EEF2K: variants seen among roughly 807,000 people sequenced by gnomAD.
EEF2K encodes eukaryotic elongation factor 2 kinase, also known as alternative protein EEF2K.
In EEF2K, 70 loss-of-function variants were observed where a neutral mutation model predicts 93.8. That is an observed-to-expected ratio of 0.75 (90% CI 0.62 to 0.91). The LOEUF (loss-of-function observed/expected upper bound fraction) is 0.91, where lower values mean the gene tolerates loss of function less well. Ranked by LOEUF, EEF2K falls within the 40% of genes least tolerant of loss-of-function variation. The pLI, the probability that EEF2K is intolerant of heterozygous loss-of-function variation, is 0.00. For missense variants in EEF2K, 935 were observed against 972.9 expected, an observed-to-expected ratio of 0.96 and a Z score of 0.52; for synonymous variants, 376 against 380.8, an observed-to-expected ratio of 0.99 and a Z score of 0.15.
intron 2 of EEF2K, among the ~76,000 whole-genome samples, chr16:22,241,184 G>A (rs553703049): frequency 1.3e-5 from 2 of 152,144 alleles, no homozygotes; most frequent in South Asian, 2.1e-4. Flanking sequence ...GAGGACTTCC[G>A]CTTTCTAATT....
At chr16:22,220,442 G>A (rs1361485552) in intron 1 of EEF2K, among the ~76,000 whole-genome samples, 1 of 123,194 alleles carries the variant, frequency 8.1e-6, no homozygotes, top group Non-Finnish European at 1.7e-5. Flanking sequence ...ATCTGAGCGT[G>A]CTTTTTTTTT....
intron 4 of EEF2K, 135 bp from the exon 5 acceptor site, chr16:22,250,519 C>A: frequency 9.6e-7 from 1 of 1,040,738 alleles, no homozygotes; most frequent in South Asian, 1.5e-5. Context: ...AAGGGAGATC[C>A]CCAGGGATTT....
chr16:22,254,522 A>G (rs540998569), intron 6 of EEF2K, among the ~76,000 whole-genome samples: 1 of 152,172 alleles, frequency 6.6e-6, no homozygotes, highest in South Asian at 2.1e-4. Context: ...TGAGGAGGAC[A>G]TGGGAACCAA....
At chr16:22,245,061 A>G (rs2047273265) in intron 3 of EEF2K, among the ~76,000 whole-genome samples, 1 of 152,080 alleles carries the variant, frequency 6.6e-6, no homozygotes, top group South Asian at 2.1e-4. Context: ...CAGGAGTTCA[A>G]GACCAGCCTG....
At position 22,247,095 on chromosome 16, in the gene EEF2K, C is replaced by CTA. The variant is rs891175542; in HGVS notation, c.348-1660_348-1659insTA. On this transcript the variant is annotated intron_variant, in intron 3 of 17. Coordinates refer to ENST00000263026, the MANE Select transcript of EEF2K (RefSeq NM_013302.5). ...AACTAGAATTGCCCTTGCCCACTAC[C>CTA]AGTCATAGAAACTAGAACCCCTTTT... 2.1e-5 allele frequency among the ~76,000 whole-genome samples: 3 copies of CTA among 143,570 alleles called. No individual in the cohort carries two copies. The Admixed American group carries it at 2.1e-4, about 10-fold the overall frequency. The allele number at this position is 143,570 out of a possible 152,430, so 94.2% of individuals were successfully genotyped here.
At position 22,282,825 on chromosome 16, in the gene EEF2K, G is replaced by C. The variant is rs79670581; in HGVS notation, c.2069-1062G>C. On this transcript the variant is annotated intron_variant, in intron 17 of 17. Transcript: ENST00000263026. ...AAATGGACTAAGACACAGACTGTGTGTCTCCAAATACAGTGCAGTTACATC... is the reference window on the plus strand; with the variant it reads ...AAATGGACTAAGACACAGACTGTGTCTCTCCAAATACAGTGCAGTTACATC... Among the ~76,000 whole-genome samples, 1,075 of 152,264 alleles carry C rather than the reference G, an allele frequency of 7.1e-3. 15 individuals carry two copies. The highest frequency in any genetic ancestry group is 0.024 in the African/African-American group (986 of 41,532).
chr16:22,266,595 G>T lies in EEF2K; in HGVS notation c.1575+71G>T. ...GCCCCCCAGCTCCAGCCTCTCCTCC[G>T]CTAATCACTTCCTCCCGCAGGCTGG... is the stretch of plus-strand genomic sequence containing the variant. On this transcript the variant is annotated intron_variant, in intron 14 of 17. Coordinates refer to ENST00000263026, the MANE Select transcript of EEF2K (RefSeq NM_013302.5). 1.9e-6 allele frequency: 3 copies of T among 1,597,326 alleles called. No homozygotes were observed. The South Asian group carries it at 3.4e-5, about 18-fold the overall frequency.
chr16:22,227,188 A>G (rs1010963613), intron 2 of EEF2K, among the ~76,000 whole-genome samples: 1 of 152,198 alleles, frequency 6.6e-6, no homozygotes, highest in African/African-American at 2.4e-5. Flanking sequence ...AGCAAGAGTG[A>G]AACTCCTTCT....
chr16:22,260,346 A>T (rs1361561615), intron 10 of EEF2K, 116 bp from the exon 11 acceptor site: 2 of 977,184 alleles, frequency 2.0e-6, no homozygotes, highest in Non-Finnish European at 3.0e-6. Flanking sequence ...CTTTCTTTAA[A>T]GCTTAAAAAA....
chr16:22,217,208 G>A (rs1000740752), intron 1 of EEF2K, among the ~76,000 whole-genome samples: 1 of 132,136 alleles, frequency 7.6e-6, no homozygotes, highest in South Asian at 2.5e-4. Flanking sequence ...ATTATTTAGT[G>A]ATATATATAG....
intron 7 of EEF2K, 148 bp from the exon 8 acceptor site, chr16:22,257,105 C>T (rs2047409267): frequency 1.4e-6 from 2 of 1,425,018 alleles, no homozygotes. Context: ...AAGGTCCCTG[C>T]CCAACTGAAG....
intron 16 of EEF2K, among the ~76,000 whole-genome samples, chr16:22,279,453 G>A (rs2047672408): frequency 6.6e-6 from 1 of 151,814 alleles, no homozygotes; most frequent in African/African-American, 2.4e-5. Context: ...TAGTAAGTGT[G>A]TATATGGGTT....
At chr16:22,266,032 C>T (rs1196750082) in intron 13 of EEF2K, among the ~76,000 whole-genome samples, 1 of 152,056 alleles carries the variant, frequency 6.6e-6, no homozygotes, top group Non-Finnish European at 1.5e-5. Context: ...CTCTTGAATG[C>T]ATGAGTTGAT....
chr16:22,206,966 G>A (rs1027848289), intron 1 of EEF2K, among the ~76,000 whole-genome samples: 1 of 152,114 alleles, frequency 6.6e-6, no homozygotes, highest in Non-Finnish European at 1.5e-5. Context: ...AAGTGACAGA[G>A]AGTTTGGGGG....
In EEF2K at chr16:22,264,800, A is replaced by G. The variant is rs779162317; in HGVS notation, c.1378-18A>G. ...AAGCTTGTCGCTTTGGATCAGTGTA[A>G]TTTCTTCCTCCGTTCAGGGCCACTC... On this transcript the variant is annotated intron_variant, in intron 12 of 17. Coordinates refer to ENST00000263026, the MANE Select transcript of EEF2K (RefSeq NM_013302.5). The G allele has an allele frequency of 6.2e-7, 1 of 1,613,488 alleles. No individual in the cohort carries two copies.
At chr16:22,278,105 G>T (rs2047656518) in intron 16 of EEF2K, among the ~76,000 whole-genome samples, 1 of 152,114 alleles carries the variant, frequency 6.6e-6, no homozygotes, top group South Asian at 2.1e-4. Flanking sequence ...TACTCAGGAG[G>T]TTAAAATGGG....
At chr16:22,273,471 C>T (rs2047605001) in intron 15 of EEF2K, among the ~76,000 whole-genome samples, 155 bp from the exon 16 acceptor site, 1 of 152,134 alleles carries the variant, frequency 6.6e-6, no homozygotes, top group African/African-American at 2.4e-5. Context: ...TGAGCCAAGC[C>T]TCTGGAGTCA....
At chr16:22,216,748 CAGA>C (rs927151094) in intron 1 of EEF2K, among the ~76,000 whole-genome samples, 2 of 152,002 alleles carry the variant, frequency 1.3e-5, no homozygotes, top group East Asian at 1.9e-4. Flanking sequence ...ATAAAGGAAC[CAGA>C]AGAAGACCTA....
chr16:22,211,826 TACTC>T (rs2046917074), intron 1 of EEF2K, among the ~76,000 whole-genome samples: 1 of 152,152 alleles, frequency 6.6e-6, no homozygotes, highest in Admixed American at 6.6e-5. Flanking sequence ...TTTCTTCACT[TACTC>T]GTTCATTCAT....
Sources: gnomAD v4.1 joint callset for allele counts (sites outside exome capture counted in the v4.1 genomes callset) on GRCh38, gnomAD v4.1.1 for gene constraint, MANE v1.5 for transcripts, NCBI Gene and HGNC (gene_info 2026-07-23, HGNC 2026-07-21) for gene names.